The following SERPINB4 variants were observed in gnomAD, a reference collection of about 807,000 sequenced individuals.
The protein encoded by SERPINB4 is serpin B4.
A neutral mutation model predicts 33.2 loss-of-function variants in SERPINB4; 39 were observed. The ratio of observed to expected loss-of-function variants is 1.18; its 90% CI spans 0.91 to 1.53. The LOEUF (loss-of-function observed/expected upper bound fraction) is 1.53. Ranked by LOEUF, SERPINB4 falls within the 40% of genes most tolerant of loss-of-function variation. The probability of loss-of-function intolerance (pLI) is 0.00; values close to 1 mark genes in which losing one functional copy is unlikely to be tolerated. For synonymous variants in SERPINB4, 191 were observed against 166.4 expected, an observed-to-expected ratio of 1.15 and a Z score of -1.14; for missense variants, 564 against 455.4, an observed-to-expected ratio of 1.24 and a Z score of -2.17.
chr18:63,642,213 T>A (rs1327836106), intron 3 of SERPINB4, among the ~76,000 whole-genome samples: 2 of 152,126 alleles, frequency 1.3e-5, no homozygotes, highest in East Asian at 1.9e-4. Context: ...CAGCTCCTTA[T>A]GGGCAAGGAC....
Position 63,641,820 on chromosome 18 carries a change from A to G in SERPINB4, c.291T>C (p.Asp97=), listed in dbSNP as rs760258884. Residue 97 remains aspartate, a synonymous_variant, in exon 4 of 8, where the codon GAT becomes GAC. Transcript: ENST00000341074. ...TGTTGGCGATCTTCAGCTCATATGCATCAGTGGATTTGTTGAATTCAGTCA... is the reference window on the plus strand; with the variant it reads ...TGTTGGCGATCTTCAGCTCATATGCGTCAGTGGATTTGTTGAATTCAGTCA... ...KLLTEFNKST[D]AYELKIANKL... is the part of the protein sequence containing the mutation. 8.7e-6 allele frequency: 14 copies of G among 1,613,504 alleles called. No homozygotes were observed. The highest frequency in any genetic ancestry group is 1.7e-4 in the Middle Eastern group (1 of 6,050).
Position 63,639,564 on chromosome 18 carries a change from A to T in SERPINB4, c.612+70T>A. On this transcript the variant is annotated intron_variant, in intron 6 of 7. Coordinates refer to ENST00000341074, the MANE Select transcript of SERPINB4 (RefSeq NM_002974.4). ...TTTTATTTTTTACTTATCATGTTAC[A>T]TTCCATCAGAAATGTTTAACATTCC... 2.6e-6 allele frequency: 3 copies of T among 1,142,400 alleles called. No individual in the cohort carries two copies. In the South Asian group the frequency reaches 4.4e-5, roughly 17 times the overall value. The allele number at this position is 1,142,400 out of a possible 1,614,324, so 70.8% of individuals were successfully genotyped here.
At chr18:63,641,944 C>T in intron 3 of SERPINB4, 56 bp from the exon 4 acceptor site, 1 of 1,606,182 alleles carries the variant, frequency 6.2e-7, no homozygotes, top group East Asian at 2.2e-5. Flanking sequence ...AAATACTAAA[C>T]CCATGCTAAG....
chr18:63,641,069 C>T (rs770192003), intron 4 of SERPINB4, 78 bp from the exon 5 acceptor site: 1 of 1,206,252 alleles, frequency 8.3e-7, no homozygotes, highest in East Asian at 2.4e-5. Context: ...TTATTTGTAA[C>T]AACAGTAAGC....
chr18:63,639,820 T>A (rs756523745), intron 5 of SERPINB4, 44 bp from the exon 6 acceptor site: 3 of 1,547,854 alleles, frequency 1.9e-6, no homozygotes, highest in Non-Finnish European at 2.7e-6. Flanking sequence ...AAGCTACAAA[T>A]GGCTTGTCTG....
intron 7 of SERPINB4, among the ~76,000 whole-genome samples, chr18:63,638,780 G>C (rs1913024749): frequency 7.4e-6 from 1 of 135,208 alleles, no homozygotes; most frequent in Admixed American, 8.5e-5. Context: ...CTTGGACACA[G>C]GAAGGTAACA....
chr18:63,637,702 T>C lies in SERPINB4; in HGVS notation c.*17A>G, dbSNP rs1390428774. On this transcript the variant is annotated 3_prime_UTR_variant, in exon 8 of 8. Coordinates refer to ENST00000341074, the MANE Select transcript of SERPINB4 (RefSeq NM_002974.4). The stretch of plus-strand genomic sequence containing the variant: ...CTAGGTGAACATTTTCTAAATGGAG[T>C]GACAGACTAATTGCATCTATGGGGA... 9 of 1,575,354 alleles carry C rather than the reference T, an allele frequency of 5.7e-6. No homozygotes were observed. The highest frequency in any genetic ancestry group is 7.8e-6 in the Non-Finnish European group (9 of 1,160,292).
chr18:63,640,725 T>C (rs980313003), intron 5 of SERPINB4, 149 bp downstream of exon 5: 36 of 640,060 alleles, frequency 5.6e-5, no homozygotes, highest in Admixed American at 1.8e-4. Flanking sequence ...TCATATTCAT[T>C]TGGACAAATC....
intron 3 of SERPINB4, among the ~76,000 whole-genome samples, chr18:63,642,610 A>G (rs1420836697): frequency 6.6e-6 from 1 of 152,112 alleles, no homozygotes; most frequent in African/African-American, 2.4e-5. Flanking sequence ...CTAAACCAAT[A>G]TATTCCATAG....
At chr18:63,639,989 A>T (rs1308737767) in intron 5 of SERPINB4, among the ~76,000 whole-genome samples, 1 of 152,076 alleles carries the variant, frequency 6.6e-6, no homozygotes, top group Non-Finnish European at 1.5e-5. Flanking sequence ...GTTACCCTTG[A>T]TGGAGACATC....
At position 63,643,142 on chromosome 18, in the gene SERPINB4, A is replaced by T; in HGVS notation, c.222+19T>A. Reference sequence around the variant, plus strand: ...CTGTTCAGGGATCTAAAGCTGAACCATAGTGCTCTGTGACTCACATGATAT... The same window carrying T: ...CTGTTCAGGGATCTAAAGCTGAACCTTAGTGCTCTGTGACTCACATGATAT... On this transcript the variant is annotated intron_variant, in intron 3 of 7. Transcript: ENST00000341074. 1 of 1,613,224 alleles carries T rather than the reference A, an allele frequency of 6.2e-7. No individual in the cohort carries two copies. The highest frequency in any genetic ancestry group is 1.1e-5 in the South Asian group (1 of 91,060).
chr18:63,641,117 C>G lies in SERPINB4; in HGVS notation c.352-126G>C. 4 of 743,904 alleles carry G rather than the reference C, an allele frequency of 5.4e-6. No individual in the cohort carries two copies. The South Asian group carries it at 7.1e-5, about 13-fold the overall frequency. The allele number at this position is 743,904 out of a possible 1,614,324, so 46.1% of individuals were successfully genotyped here. On this transcript the variant is annotated intron_variant, in intron 4 of 7. Coordinates refer to ENST00000341074, the MANE Select transcript of SERPINB4 (RefSeq NM_002974.4). ...CTGAATAGATGCAGTATCTCCTGTCCATGGATATTTTTATACAGGTGTCAT... is the reference window on the plus strand; with the variant it reads ...CTGAATAGATGCAGTATCTCCTGTCGATGGATATTTTTATACAGGTGTCAT...
chr18:63,638,688 A>G (rs1432323329), intron 7 of SERPINB4, among the ~76,000 whole-genome samples: 1 of 151,448 alleles, frequency 6.6e-6, no homozygotes, highest in Non-Finnish European at 1.5e-5. Context: ...TTGATATCCA[A>G]TGCATGTAAC....
intron 1 of SERPINB4, among the ~76,000 whole-genome samples, 189 bp from the exon 2 acceptor site, chr18:63,643,792 G>C (rs1913223100): frequency 6.6e-6 from 1 of 152,036 alleles, no homozygotes; most frequent in Non-Finnish European, 1.5e-5. Flanking sequence ...CTAATTAGAA[G>C]GCTTACAAAA....
At chr18:63,638,331 T>G (rs1379150751) in intron 7 of SERPINB4, among the ~76,000 whole-genome samples, 1 of 152,028 alleles carries the variant, frequency 6.6e-6, no homozygotes, top group Non-Finnish European at 1.5e-5. Flanking sequence ...TGTATATACA[T>G]GTATGTAAAA....
At chr18:63,638,902 G>A (rs1481993980) in intron 7 of SERPINB4, among the ~76,000 whole-genome samples, 2 of 151,560 alleles carry the variant, frequency 1.3e-5, no homozygotes, top group African/African-American at 4.8e-5. Flanking sequence ...CATGGCACAT[G>A]TATACATATG....
chr18:63,643,388 A>G, intron 2 of SERPINB4, 25 bp downstream of exon 2: 1 of 1,613,370 alleles, frequency 6.2e-7, no homozygotes, highest in Non-Finnish European at 8.5e-7. Flanking sequence ...CTGCAACAGG[A>G]CAACGTAATG....
chr18:63,641,019 A>T, intron 4 of SERPINB4, 28 bp from the exon 5 acceptor site: 1 of 1,565,824 alleles, frequency 6.4e-7, no homozygotes, highest in Non-Finnish European at 8.8e-7. Context: ...AGAAGTAGGA[A>T]TTAGGAGTAA....
chr18:63,637,767 T>G lies in SERPINB4; in HGVS notation c.1125A>C (p.Gln375His). The G allele has an allele frequency of 1.2e-6, 2 of 1,613,224 alleles. No individual in the cohort carries two copies. The highest frequency in any genetic ancestry group is 2.7e-5 in the African/African-American group (2 of 74,972). The change falls in exon 8 of 8, where the codon CAA becomes CAC. Residue 375 changes from glutamine to histidine, a missense_variant. Coordinates refer to ENST00000341074, the MANE Select transcript of SERPINB4 (RefSeq NM_002974.4). ...CNHPFLFFIR[Q>H]NKTNSILFYG... Reference sequence around the variant, plus strand: ...AGAAGAGGATGCTGTTGGTCTTATTTTGCCTTATGAAGAATAGGAAAGGGT... The same window carrying G: ...AGAAGAGGATGCTGTTGGTCTTATTGTGCCTTATGAAGAATAGGAAAGGGT...
Sources: allele counts gnomAD v4.1 joint callset (sites outside exome capture counted in the v4.1 genomes callset), GRCh38; gene constraint gnomAD v4.1.1; transcripts MANE v1.5; gene names NCBI Gene and HGNC (gene_info 2026-07-23, HGNC 2026-07-21).